Variants in RFX6 observed in about 807,000 individuals in gnomAD.
RFX6 encodes DNA-binding protein RFX6.
Under a neutral mutation model 110.8 loss-of-function variants are expected in RFX6, and 50 were observed. The ratio of observed to expected loss-of-function variants is 0.45; its 90% CI spans 0.36 to 0.57. The LOEUF (loss-of-function observed/expected upper bound fraction) is 0.57, where lower values mean the gene tolerates loss of function less well. Ranked by LOEUF, RFX6 falls within the 20% of genes least tolerant of loss-of-function variation. The pLI is 0.00. For missense variants in RFX6, 990 were observed against 1,127.0 expected, an observed-to-expected ratio of 0.88 and a Z score of 1.74; for synonymous variants, 383 against 411.2, an observed-to-expected ratio of 0.93 and a Z score of 0.83.
At chr6:116,880,152 C>T (rs954017097) in intron 2 of RFX6, among the ~76,000 whole-genome samples, 1 of 151,960 alleles carries the variant, frequency 6.6e-6, no homozygotes. Context: ...ATTTGCCAAC[C>T]TGAAGCTTGA....
At chr6:116,917,895 G>T in intron 9 of RFX6, 142 bp from the exon 10 acceptor site, 1 of 638,788 alleles carries the variant, frequency 1.6e-6, no homozygotes, top group Non-Finnish European at 2.8e-6. Flanking sequence ...CATTCATTTT[G>T]GAGATAAAAT....
chr6:116,913,974 AG>A (rs1214687540), intron 7 of RFX6, among the ~76,000 whole-genome samples: 10 of 152,252 alleles, frequency 6.6e-5, no homozygotes, highest in Non-Finnish European at 1.3e-4. Context: ...AATATGCAAT[AG>A]ATTATTGTAA....
intron 5 of RFX6, among the ~76,000 whole-genome samples, chr6:116,894,550 T>G (rs2114673238): frequency 6.6e-6 from 1 of 152,226 alleles, no homozygotes. Flanking sequence ...CCTGTTTGGG[T>G]TTCTATGAAA....
intron 12 of RFX6, among the ~76,000 whole-genome samples, chr6:116,920,725 T>A (rs1775577784): frequency 6.6e-6 from 1 of 152,084 alleles, no homozygotes; most frequent in South Asian, 2.1e-4. Flanking sequence ...ATTAAAAAAA[T>A]TTATCTTCTA....
chr6:116,930,377 C>T (rs1428209937), intron 18 of RFX6, among the ~76,000 whole-genome samples: 1 of 151,926 alleles, frequency 6.6e-6, no homozygotes, highest in African/African-American at 2.4e-5. Context: ...TATTGAGAAC[C>T]GACTAGGAGC....
intron 1 of RFX6, 105 bp downstream of exon 1, chr6:116,877,603 G>A: frequency 9.2e-7 from 1 of 1,089,406 alleles, no homozygotes; most frequent in Admixed American, 2.5e-5. Context: ...GGCAGATATA[G>A]AATGTTCTGT....
chr6:116,925,634 G>A lies in RFX6; in HGVS notation c.1860G>A (p.Gly620=), dbSNP rs975748202. ...CTGCTCTGCACCAGTTCCCTGCTGG[G>A]AACACAGACAACATGCCGCTCACAG... is the stretch of plus-strand genomic sequence containing the variant. ...LGPALHQFPA[G]NTDNMPLTGQ... is the part of the protein sequence containing the mutation. Residue 620 remains glycine (G), a synonymous_variant, in exon 16 of 19, where the codon GGG becomes GGA. Coordinates refer to ENST00000332958, the MANE Select transcript of RFX6 (RefSeq NM_173560.4). 2.5e-6 allele frequency: 4 copies of A among 1,613,722 alleles called. No individual in the cohort carries two copies. The highest frequency in any genetic ancestry group is 2.7e-5 in the African/African-American group (2 of 74,916).
At chr6:116,930,955 A>G (rs1181156339) in intron 18 of RFX6, among the ~76,000 whole-genome samples, 1 of 152,112 alleles carries the variant, frequency 6.6e-6, no homozygotes, top group Non-Finnish European at 1.5e-5. Context: ...AGTGGGTGAA[A>G]CAAAGGTGGA....
At chr6:116,881,028 C>T (rs1343549872) in intron 3 of RFX6, among the ~76,000 whole-genome samples, 2 of 152,020 alleles carry the variant, frequency 1.3e-5, no homozygotes, top group Non-Finnish European at 2.9e-5. Context: ...GTTATCCATA[C>T]TATTTACCTA....
intron 6 of RFX6, among the ~76,000 whole-genome samples, chr6:116,899,157 C>T (rs1233983920): frequency 6.6e-6 from 1 of 151,744 alleles, no homozygotes; most frequent in Non-Finnish European, 1.5e-5. Flanking sequence ...ATAAGAGAAG[C>T]ATACTGCCTA....
chr6:116,928,700 C>T (rs1398213205), intron 17 of RFX6, 59 bp from the exon 18 acceptor site: 3 of 1,184,404 alleles, frequency 2.5e-6, no homozygotes, highest in African/African-American at 3.0e-5. Context: ...TCACTTTTTT[C>T]CTTCCTGAAA....
At position 116,915,989 on chromosome 6, in the gene RFX6, T is replaced by C. The variant is rs1226964904; in HGVS notation, c.781-19T>C. 2 of 1,572,528 alleles carry C rather than the reference T, an allele frequency of 1.3e-6. No individual in the cohort carries two copies. The highest frequency in any genetic ancestry group is 8.7e-7 in the Non-Finnish European group (1 of 1,143,342). ...TGTTAAAAGGATGCTTTGGTTAAGC[T>C]TTTTCTTCCTTGAAATAGGTTGATA... On this transcript the variant is annotated intron_variant, in intron 7 of 18. Coordinates refer to ENST00000332958, the MANE Select transcript of RFX6 (RefSeq NM_173560.4).
At chr6:116,900,207 G>A (rs1775036371) in intron 6 of RFX6, among the ~76,000 whole-genome samples, 1 of 152,134 alleles carries the variant, frequency 6.6e-6, no homozygotes, top group African/African-American at 2.4e-5. Flanking sequence ...AGTCTTTAAA[G>A]TATTTATATC....
chr6:116,921,266 T>C (rs1562146327), intron 12 of RFX6, among the ~76,000 whole-genome samples: 1 of 152,216 alleles, frequency 6.6e-6, no homozygotes, highest in Non-Finnish European at 1.5e-5. Flanking sequence ...AAAAGGATAG[T>C]CTTAAACTGC....
chr6:116,902,554 A>C (rs1040459858), intron 6 of RFX6, among the ~76,000 whole-genome samples: 1 of 152,074 alleles, frequency 6.6e-6, no homozygotes, highest in Non-Finnish European at 1.5e-5. Context: ...AATGAACAAA[A>C]CTTAATTATA....
chr6:116,894,958 CCTGG>C (rs1774911139), intron 5 of RFX6, among the ~76,000 whole-genome samples: 1 of 152,006 alleles, frequency 6.6e-6, no homozygotes, highest in Non-Finnish European at 1.5e-5. Flanking sequence ...TCAAATCTCA[CCTGG>C]CTTTTAAAAA....
chr6:116,924,676 T>C lies in RFX6; in HGVS notation c.1563T>C (p.Phe521=), dbSNP rs1686618223. 1 of 1,611,124 alleles carries C rather than the reference T, an allele frequency of 6.2e-7. No homozygotes were observed. The highest frequency in any genetic ancestry group is 1.7e-5 in the Admixed American group (1 of 60,020). ...TLNNASSFGS[F]HLIRMLLDEY... ...TCTCCATCCATAAACAAGGTTCTTT[T>C]CATTTGATTCGAATGCTTCTCGATG... Residue 521 remains phenylalanine, a synonymous_variant, in exon 15 of 19, where the codon TTT becomes TTC. Coordinates refer to ENST00000332958, the MANE Select transcript of RFX6 (RefSeq NM_173560.4).
At chr6:116,900,674 G>T (rs187138965) in intron 6 of RFX6, among the ~76,000 whole-genome samples, 27 of 151,842 alleles carry the variant, frequency 1.8e-4, no homozygotes, top group East Asian at 1.5e-3. Context: ...AAATAAAATA[G>T]AAAATGCAGA....
At chr6:116,908,635 T>C (rs1348420011) in intron 6 of RFX6, among the ~76,000 whole-genome samples, 1 of 151,640 alleles carries the variant, frequency 6.6e-6, no homozygotes, top group African/African-American at 2.4e-5. Flanking sequence ...AGATATTCTT[T>C]GTATAATGAT....
Sources: gnomAD v4.1 joint callset for allele counts (sites outside exome capture counted in the v4.1 genomes callset) on GRCh38, gnomAD v4.1.1 for gene constraint, MANE v1.5 for transcripts, NCBI Gene and HGNC (gene_info 2026-07-23, HGNC 2026-07-21) for gene names.